RYR2: variants seen among roughly 807,000 people sequenced by gnomAD.
RYR2 encodes the protein cardiac muscle ryanodine receptor-calcium release channel.
A neutral mutation model predicts 601.1 loss-of-function variants in RYR2; 227 were observed. That is an observed-to-expected ratio of 0.38 (90% CI 0.34 to 0.42). The LOEUF is 0.42. RYR2 is among the 10% of genes least tolerant of loss of function. The pLI, the probability that RYR2 is intolerant of heterozygous loss-of-function variation, is 1.00. For synonymous variants in RYR2, 2,223 were observed against 2,175.1 expected (o/e 1.02, Z -0.61); for missense variants, 4,646 against 6,156.5 (o/e 0.75, Z 8.21).
chr1:237,750,179 T>C (rs1054507202), intron 80 of RYR2, among the ~76,000 whole-genome samples: 2 of 152,012 alleles, frequency 1.3e-5, no homozygotes, highest in Non-Finnish European at 2.9e-5. Context: ...AAAGAAAATG[T>C]CTTCTGTACA....
intron 1 of RYR2, among the ~76,000 whole-genome samples, chr1:237,173,256 G>A (rs1052766533): frequency 2.0e-5 from 3 of 152,092 alleles, no homozygotes; most frequent in African/African-American, 7.2e-5. Context: ...GAACCCAGTA[G>A]TTGTGTGTTT....
chr1:237,050,215 G>A (rs567813849), intron 1 of RYR2, among the ~76,000 whole-genome samples: 2 of 152,170 alleles, frequency 1.3e-5, no homozygotes, highest in African/African-American at 2.4e-5. Context: ...CCCACCAACC[G>A]ATGATGAGTA....
chr1:237,389,932 G>A (rs931703708), intron 10 of RYR2, among the ~76,000 whole-genome samples: 1 of 152,224 alleles, frequency 6.6e-6, no homozygotes, highest in South Asian at 2.1e-4. Context: ...TGTGTTTGTC[G>A]ATTGGGCATG....
chr1:237,560,551 G>A (rs1442203368), intron 27 of RYR2, among the ~76,000 whole-genome samples: 2 of 152,162 alleles, frequency 1.3e-5, no homozygotes, highest in East Asian at 3.8e-4. Flanking sequence ...AATATGCTGT[G>A]GAATTAGAGA....
chr1:237,729,041 C>G (rs74149915), intron 76 of RYR2, among the ~76,000 whole-genome samples: 13,518 of 152,038 alleles, frequency 0.089, 1,158 homozygotes, highest in African/African-American at 0.23. Flanking sequence ...TCATCAGTTT[C>G]CCTTTGAACT....
chr1:237,628,573 G>C (rs1482667392), intron 41 of RYR2, among the ~76,000 whole-genome samples: 1 of 151,996 alleles, frequency 6.6e-6, no homozygotes, highest in Admixed American at 6.5e-5. Context: ...TGGCTGCATA[G>C]TATTCCATGG....
At chr1:237,311,455 T>C (rs919502673) in intron 2 of RYR2, among the ~76,000 whole-genome samples, 1 of 151,892 alleles carries the variant, frequency 6.6e-6, no homozygotes, top group Non-Finnish European at 1.5e-5. Context: ...GAGTATGATA[T>C]GACATGCAAT....
intron 80 of RYR2, chr1:237,754,999 T>G (rs1692827318): frequency 2.0e-6 from 2 of 987,542 alleles, no homozygotes; most frequent in Admixed American, 3.1e-5. Context: ...AACATAAAAT[T>G]AACCACAGGA....
intron 3 of RYR2, among the ~76,000 whole-genome samples, chr1:237,340,229 T>C (rs1697644578): frequency 6.6e-6 from 1 of 152,184 alleles, no homozygotes; most frequent in Non-Finnish European, 1.5e-5. Flanking sequence ...GGTGTCTCCA[T>C]GACCAAGAAA....
At chr1:237,644,188 A>T (rs909697293) in intron 48 of RYR2, among the ~76,000 whole-genome samples, 1 of 151,956 alleles carries the variant, frequency 6.6e-6, no homozygotes, top group Non-Finnish European at 1.5e-5. Flanking sequence ...TGACTTAGAG[A>T]TTTTAAAATC....
At chr1:237,344,629 A>G (rs1698135780) in intron 3 of RYR2, among the ~76,000 whole-genome samples, 1 of 152,120 alleles carries the variant, frequency 6.6e-6, no homozygotes, top group Non-Finnish European at 1.5e-5. Flanking sequence ...CTACTCGTAG[A>G]GTTCCTTATC....
At chr1:237,325,363 A>G (rs1696047325) in intron 2 of RYR2, among the ~76,000 whole-genome samples, 1 of 152,238 alleles carries the variant, frequency 6.6e-6, no homozygotes, top group African/African-American at 2.4e-5. Context: ...ACTGCTATGA[A>G]TACATAGCAT....
chr1:237,812,172 C>A (rs981841737), intron 100 of RYR2, among the ~76,000 whole-genome samples: 1 of 152,274 alleles, frequency 6.6e-6, no homozygotes, highest in East Asian at 1.9e-4. Flanking sequence ...AGTAACTTGT[C>A]ATAAGTCACA....
At chr1:237,118,079 T>C (rs1670338467) in intron 1 of RYR2, among the ~76,000 whole-genome samples, 1 of 152,194 alleles carries the variant, frequency 6.6e-6, no homozygotes, top group African/African-American at 2.4e-5. Flanking sequence ...TTTCAAACTT[T>C]GTGGTTTTGC....
intron 1 of RYR2, among the ~76,000 whole-genome samples, chr1:237,086,953 G>A (rs945185837): frequency 6.6e-6 from 1 of 152,170 alleles, no homozygotes; most frequent in African/African-American, 2.4e-5. Context: ...GTATGTATAT[G>A]TCTGCAGCTC....
In RYR2 at chr1:237,614,406, C is replaced by T. The variant is rs776550479; in HGVS notation, c.5278C>T (p.Arg1760Trp). Residue 1760 changes from arginine to tryptophan, a missense_variant, in exon 37 of 105, where the codon CGG (arginine) becomes TGG (tryptophan). By Grantham distance (101) the Arg-to-Trp change is moderately radical. Transcript: ENST00000366574. This position sits in a 1 kb window ranked among gnomAD's most constrained non-coding sequence, Gnocchi z 4.3. Reference sequence around the variant, plus strand: ...CGGCCTCAGCACCTCCCTCAGGCCACGGATGCAGTTTTCCTCCCCCAGTTT... The same window carrying T: ...CGGCCTCAGCACCTCCCTCAGGCCATGGATGCAGTTTTCCTCCCCCAGTTT... The part of the protein sequence containing the change: ...GIGLSTSLRP[R>W]MQFSSPSFVS... The T allele has an allele frequency of 2.0e-5, 32 of 1,613,888 alleles. No individual in the cohort carries two copies. The highest frequency in any genetic ancestry group is 1.6e-4 in the Middle Eastern group (1 of 6,084).
chr1:237,314,025 A>C (rs1162930488), intron 2 of RYR2, among the ~76,000 whole-genome samples: 3 of 110,146 alleles, frequency 2.7e-5, no homozygotes, highest in Admixed American at 1.7e-4. Flanking sequence ...GAAACTCAGC[A>C]AAAAAAAAAA....
At chr1:237,720,758 A>G (rs1446906607) in intron 73 of RYR2, among the ~76,000 whole-genome samples, 1 of 152,228 alleles carries the variant, frequency 6.6e-6, no homozygotes, top group Non-Finnish European at 1.5e-5. Context: ...GAGAGTGCTC[A>G]GTACCTCTTA....
At chr1:237,725,328 C>T (rs1209246942) in intron 74 of RYR2, among the ~76,000 whole-genome samples, 20 of 152,048 alleles carry the variant, frequency 1.3e-4, no homozygotes, top group Admixed American at 1.2e-3. Flanking sequence ...GAGATATCCT[C>T]GTGTTTAATT....
Sources: gnomAD v4.1 joint callset for allele counts (sites outside exome capture counted in the v4.1 genomes callset) on GRCh38, gnomAD v4.1.1 for gene constraint, Gnocchi (gnomAD v3.1) non-coding constraint, MANE v1.5 for transcripts, NCBI Gene and HGNC (gene_info 2026-07-23, HGNC 2026-07-21) for gene names.